Variants in CRACR2A observed in about 807,000 individuals in gnomAD.
CRACR2A encodes calcium release activated channel regulator 2A.
Under a neutral mutation model 90.5 loss-of-function variants are expected in CRACR2A, and 79 were observed. The observed-to-expected ratio is 0.87, with a 90% CI of 0.73 to 1.05. The LOEUF (loss-of-function observed/expected upper bound fraction) is 1.05. Among genes scored for constraint, CRACR2A ranks in the 50% least tolerant of loss-of-function variants. CRACR2A has a pLI of 0.00. For synonymous variants in CRACR2A, 338 were observed against 356.7 expected, an observed-to-expected ratio of 0.95 and a Z score of 0.59; for missense variants, 823 against 897.2, an observed-to-expected ratio of 0.92 and a Z score of 1.06.
At chr12:3,735,084 A>AAT (rs572309937) in intron 1 of CRACR2A, among the ~76,000 whole-genome samples, 336 of 152,048 alleles carry the variant, frequency 2.2e-3, no homozygotes, top group Admixed American at 3.8e-3. Context: ...TATAAAAAAA[A>AAT]TTTTCTCTTT....
chr12:3,652,918 G>A (rs570618414), intron 10 of CRACR2A, among the ~76,000 whole-genome samples: 1 of 152,288 alleles, frequency 6.6e-6, no homozygotes, highest in South Asian at 2.1e-4. Context: ...AGCATCTTGG[G>A]AGAGTTACTT....
intron 10 of CRACR2A, among the ~76,000 whole-genome samples, chr12:3,652,975 A>T (rs1591658192): frequency 6.6e-6 from 1 of 152,198 alleles, no homozygotes; most frequent in Non-Finnish European, 1.5e-5. Context: ...AGAACCTGCT[A>T]TACCAGGATA....
rs1946008478 is a variant in CRACR2A at position 3,711,704 on chromosome 12, C to T, written c.-37+1533G>A. Among the ~76,000 whole-genome samples, 1 of 152,170 alleles carries T rather than the reference C, an allele frequency of 6.6e-6. No individual in the cohort carries two copies. Among genetic ancestry groups the T allele is most frequent in the African/African-American group, 2.4e-5 (1 of 41,432 alleles). ...CAGGTCATGGCAATGTAGGCTTTTT[C>T]TAGCATGTACCTCAAAATTCTTTCA... On this transcript the variant is annotated intron_variant, in intron 3 of 19. Transcript: ENST00000440314. This position sits in a 1 kb window ranked among gnomAD's most constrained non-coding sequence, Gnocchi z 4.3.
intron 1 of CRACR2A, among the ~76,000 whole-genome samples, chr12:3,750,497 T>C (rs1946688252): frequency 6.6e-6 from 1 of 152,026 alleles, no homozygotes; most frequent in Non-Finnish European, 1.5e-5. Flanking sequence ...AATTCTGCAA[T>C]ATTCTGCAAT....
At chr12:3,748,084 C>T (rs1565512486) in intron 1 of CRACR2A, among the ~76,000 whole-genome samples, 1 of 152,182 alleles carries the variant, frequency 6.6e-6, no homozygotes, top group South Asian at 2.1e-4. Flanking sequence ...ACACTACGAG[C>T]ACAGGACTGG....
At chr12:3,676,182 C>G (rs1295546934) in intron 6 of CRACR2A, among the ~76,000 whole-genome samples, 1 of 152,204 alleles carries the variant, frequency 6.6e-6, no homozygotes, top group African/African-American at 2.4e-5. Flanking sequence ...AAACCTTGCA[C>G]TGTACTGGAT....
intron 14 of CRACR2A, among the ~76,000 whole-genome samples, chr12:3,635,645 A>G (rs1319417145): frequency 6.6e-6 from 1 of 152,148 alleles, no homozygotes; most frequent in Non-Finnish European, 1.5e-5. Context: ...AGCTATGACT[A>G]CAGGTATGCA....
chr12:3,738,150 A>G (rs531086946), intron 1 of CRACR2A, among the ~76,000 whole-genome samples: 1 of 152,282 alleles, frequency 6.6e-6, no homozygotes, highest in African/African-American at 2.4e-5. Context: ...TAATTTTGTC[A>G]ATTTTCCAAC....
intron 1 of CRACR2A, among the ~76,000 whole-genome samples, chr12:3,744,778 A>C (rs1290230628): frequency 6.6e-6 from 1 of 152,226 alleles, no homozygotes; most frequent in Non-Finnish European, 1.5e-5. Context: ...GCCATTGTGC[A>C]GAGAGCGAAC....
intron 8 of CRACR2A, 60 bp from the exon 9 acceptor site, chr12:3,656,466 T>C (rs963851950): frequency 1.3e-6 from 2 of 1,547,072 alleles, no homozygotes; most frequent in East Asian, 2.2e-5. Context: ...GGTTATAGAT[T>C]TTTTTTTTCC....
intron 4 of CRACR2A, among the ~76,000 whole-genome samples, chr12:3,681,155 G>C (rs73049138): frequency 0.1 from 15,233 of 152,256 alleles, 869 homozygotes; most frequent in African/African-American, 0.13. Context: ...ACATTTTGGT[G>C]CTTGAGCTCT....
chr12:3,692,629 T>C lies in CRACR2A; in HGVS notation c.228+4143A>G, dbSNP rs111693198. Among the ~76,000 whole-genome samples, 186 of 152,312 alleles carry C rather than the reference T, an allele frequency of 1.2e-3. 1 individual carries two copies. Among genetic ancestry groups the C allele is most frequent in the African/African-American group, 4.4e-3 (182 of 41,560 alleles). On this transcript the variant is annotated intron_variant, in intron 4 of 19. Coordinates refer to ENST00000440314, the MANE Select transcript of CRACR2A (RefSeq NM_001144958.2). ...GGTGGCAGTGGGATCTGTCCTTCTT[T>C]GTACGTGCCAACAGCAGCAGTGGCA...
In CRACR2A at chr12:3,641,718, T is replaced by C; in HGVS notation, c.1271+14A>G. The C allele has an allele frequency of 1.9e-6, 3 of 1,548,628 alleles. No individual in the cohort carries two copies. Among genetic ancestry groups the C allele is most frequent in the South Asian group, 2.4e-5 (2 of 83,970 alleles). ...TGAGAGGAATGAAGGGATGAGCAAGTGGAGATGACTTACCTCCTAAGAATC... is the reference window on the plus strand; with the variant it reads ...TGAGAGGAATGAAGGGATGAGCAAGCGGAGATGACTTACCTCCTAAGAATC... On this transcript the variant is annotated intron_variant, in intron 13 of 19. Transcript: ENST00000440314.
intron 7 of CRACR2A, among the ~76,000 whole-genome samples, chr12:3,666,075 G>A (rs7970519): frequency 0.15 from 22,321 of 152,024 alleles, 1,817 homozygotes; most frequent in South Asian, 0.26. Context: ...GAAGCTACCT[G>A]CTCTGGTGGT....
At position 3,696,802 on chromosome 12, in the gene CRACR2A, G is replaced by C. The variant is rs757610832; in HGVS notation, c.198C>G (p.Gly66=). 6.2e-7 allele frequency: 1 copy of C among 1,614,208 alleles called. No homozygotes were observed. The highest frequency in any genetic ancestry group is 1.1e-5 in the South Asian group (1 of 91,088). ...QEFFQTCDAE[G]KGFIARKDMQ... The stretch of plus-strand genomic sequence containing the variant: ...TATCCTTCCTGGCGATGAAGCCCTT[G>C]CCTTCAGCATCACAGGTCTGAAAGA... Residue 66 remains glycine, a synonymous_variant, in exon 4 of 20, where the codon GGC becomes GGG. Transcript: ENST00000440314.
chr12:3,639,572 C>T (rs751206964), intron 13 of CRACR2A, among the ~76,000 whole-genome samples: 5 of 151,432 alleles, frequency 3.3e-5, no homozygotes, highest in Non-Finnish European at 7.4e-5. Context: ...AAATGAAGGA[C>T]ACAGAATATG....
At chr12:3,740,475 T>G (rs1363070254) in intron 1 of CRACR2A, among the ~76,000 whole-genome samples, 1 of 152,206 alleles carries the variant, frequency 6.6e-6, no homozygotes, top group Non-Finnish European at 1.5e-5. Flanking sequence ...TACATGTCCT[T>G]GGGCAAGCCA....
chr12:3,660,875 CACACACACACACA>C (rs1945019512), intron 7 of CRACR2A, among the ~76,000 whole-genome samples: 1 of 113,016 alleles, frequency 8.8e-6, no homozygotes, highest in South Asian at 3.0e-4. Context: ...CACACACACA[CACACACACACACA>C]ATTTTGGCCC....
intron 6 of CRACR2A, among the ~76,000 whole-genome samples, chr12:3,675,327 C>T (rs1468035346): frequency 6.6e-6 from 1 of 152,100 alleles, no homozygotes; most frequent in Non-Finnish European, 1.5e-5. Context: ...GGGTGGTGAC[C>T]TCCCATCCCT....
Sources: gnomAD v4.1 joint callset for allele counts (sites outside exome capture counted in the v4.1 genomes callset) on GRCh38, gnomAD v4.1.1 for gene constraint, Gnocchi (gnomAD v3.1) non-coding constraint, MANE v1.5 for transcripts, NCBI Gene and HGNC (gene_info 2026-07-23, HGNC 2026-07-21) for gene names.